ERFE: variants seen among roughly 807,000 people sequenced by gnomAD.
ERFE encodes complement C1q tumor necrosis factor-related protein 15.
ERFE carries 25 observed loss-of-function variants against 26.6 expected under a neutral mutation model. That is an observed-to-expected ratio of 0.94 (90% CI 0.69 to 1.31). The LOEUF is 1.31. Among genes scored for constraint, ERFE ranks in the 40% most tolerant of loss-of-function variants. ERFE has a pLI of 0.00. For synonymous variants in ERFE, 206 were observed against 204.5 expected, an observed-to-expected ratio of 1.01 and a Z score of -0.06; for missense variants, 447 against 440.2, an observed-to-expected ratio of 1.02 and a Z score of -0.14.
intron 6 of ERFE, among the ~76,000 whole-genome samples, chr2:238,165,184 A>G (rs567609186): frequency 1.8e-4 from 27 of 152,356 alleles, no homozygotes; most frequent in African/African-American, 6.3e-4. Flanking sequence ...GAGCCCAGGT[A>G]CAGCGGAGAT....
chr2:238,167,627 C>A lies in ERFE; in HGVS notation c.*573C>A. 2.8e-6 allele frequency: 1 copy of A among 362,820 alleles called. No individual in the cohort carries two copies. The highest frequency in any genetic ancestry group is 5.5e-6 in the Non-Finnish European group (1 of 182,300). The allele number at this position is 362,820 out of a possible 1,614,324, so 22.5% of individuals were successfully genotyped here. On this transcript the variant is annotated 3_prime_UTR_variant, in exon 8 of 8. Transcript: ENST00000546354. Reference sequence around the variant, plus strand: ...CTGCCCCTCCCCTAACCGTGTTCTACCTGCCAGTGGAGCTGAGCACTGCCT... The same window carrying A: ...CTGCCCCTCCCCTAACCGTGTTCTAACTGCCAGTGGAGCTGAGCACTGCCT...
chr2:238,161,824 G>A lies in ERFE; in HGVS notation c.321+108G>A, dbSNP rs183162143. 1.8e-5 allele frequency: 24 copies of A among 1,364,816 alleles called. No individual in the cohort carries two copies. In the East Asian group the frequency reaches 2.2e-4, roughly 13 times the overall value. The allele number at this position is 1,364,816 out of a possible 1,614,324, so 84.5% of individuals were successfully genotyped here. A position where few individuals can be genotyped will look rare whatever the true frequency, so the allele number is the denominator to read the frequency against. On this transcript the variant is annotated intron_variant, in intron 2 of 7. Transcript: ENST00000546354. ...ACATTTCCAATAGCACACCCCTCACGCCTCGGCCTGGGGACAGAGAACAGA... is the reference window on the plus strand; with the variant it reads ...ACATTTCCAATAGCACACCCCTCACACCTCGGCCTGGGGACAGAGAACAGA...
In ERFE at chr2:238,167,166, T is replaced by C. The variant is rs777387884; in HGVS notation, c.*112T>C. 1 of 1,154,238 alleles carries C rather than the reference T, an allele frequency of 8.7e-7. No homozygotes were observed. Among genetic ancestry groups the C allele is most frequent in the African/African-American group, 1.5e-5 (1 of 65,654 alleles). 71.5% of individuals were successfully genotyped at this position (1,154,238 alleles called of 1,614,324 possible). On this transcript the variant is annotated 3_prime_UTR_variant, in exon 8 of 8. Coordinates refer to ENST00000546354, the MANE Select transcript of ERFE (RefSeq NM_001291832.2). Reference sequence around the variant, plus strand: ...ATGGAGGAGGAGGCCCACCCGGAACTCTGCCCACACTGGCCACTGCAGTTC... The same window carrying C: ...ATGGAGGAGGAGGCCCACCCGGAACCCTGCCCACACTGGCCACTGCAGTTC...
intron 2 of ERFE, among the ~76,000 whole-genome samples, chr2:238,162,148 A>C (rs75663295): frequency 0.14 from 20,933 of 152,190 alleles, 1,727 homozygotes; most frequent in Middle Eastern, 0.22. Flanking sequence ...GGAGCCCCCA[A>C]AATGGAAAAT....
chr2:238,164,935 G>A (rs910446697), intron 6 of ERFE, among the ~76,000 whole-genome samples: 1 of 152,052 alleles, frequency 6.6e-6, no homozygotes, highest in Non-Finnish European at 1.5e-5. Context: ...GTCCTAGGAG[G>A]CCGGGCTCCT....
intron 6 of ERFE, chr2:238,164,567 C>T: frequency 1.7e-6 from 1 of 574,768 alleles, no homozygotes. Flanking sequence ...TAAAAATGAC[C>T]TTTCCAGCTG....
intron 1 of ERFE, among the ~76,000 whole-genome samples, chr2:238,159,588 C>T (rs1286448976): frequency 1.3e-5 from 2 of 152,224 alleles, no homozygotes; most frequent in Non-Finnish European, 2.9e-5. Context: ...CTATTTGGTG[C>T]AATTATCTGG....
intron 3 of ERFE, 94 bp from the exon 4 acceptor site, chr2:238,163,643 C>T: frequency 8.2e-7 from 1 of 1,215,018 alleles, no homozygotes; most frequent in African/African-American, 1.6e-5. Context: ...CCGGCAGGCC[C>T]CTGGTCTCGC....
Position 238,163,731 on chromosome 2 carries a change from T to C in ERFE, c.425-6T>C. On this transcript the variant is annotated splice_polypyrimidine_tract_variant and splice_region_variant and intron_variant, in intron 3 of 7. Coordinates refer to ENST00000546354, the MANE Select transcript of ERFE (RefSeq NM_001291832.2). ...TGGCGCGCGGCCACCGCTCGCTCTG[T>C]GCCAGGTGCGGTGCGGCAGCGGGAG... is the stretch of plus-strand genomic sequence containing the variant. 1 of 1,327,862 alleles carries C rather than the reference T, an allele frequency of 7.5e-7. No individual in the cohort carries two copies. The highest frequency in any genetic ancestry group is 9.6e-7 in the Non-Finnish European group (1 of 1,045,436). The allele number at this position is 1,327,862 out of a possible 1,614,324, so 82.3% of individuals were successfully genotyped here.
At position 238,167,908 on chromosome 2, in the gene ERFE, A is replaced by G. The variant is rs1693071676; in HGVS notation, c.*854A>G. 5.1e-6 allele frequency: 1 copy of G among 196,196 alleles called. No homozygotes were observed. The highest frequency in any genetic ancestry group is 5.3e-5 in the Admixed American group (1 of 18,854). The allele number at this position is 196,196 out of a possible 1,614,324, so 12.2% of individuals were successfully genotyped here. ...CTGGTAGGAGCCACCCACCAGAGGAAAGATCTAGAACGTCTTTACAGATTG... is the reference window on the plus strand; with the variant it reads ...CTGGTAGGAGCCACCCACCAGAGGAGAGATCTAGAACGTCTTTACAGATTG... On this transcript the variant is annotated 3_prime_UTR_variant, in exon 8 of 8. Coordinates refer to ENST00000546354, the MANE Select transcript of ERFE (RefSeq NM_001291832.2).
At chr2:238,161,888 G>T (rs1692944907) in intron 2 of ERFE, among the ~76,000 whole-genome samples, 172 bp downstream of exon 2, 1 of 152,148 alleles carries the variant, frequency 6.6e-6, no homozygotes, top group Admixed American at 6.5e-5. Context: ...CCGAGTTAGG[G>T]GCCTGGTCCC....
chr2:238,167,623 T>G lies in ERFE; in HGVS notation c.*569T>G. The G allele has an allele frequency of 2.8e-6, 1 of 362,874 alleles. No homozygotes were observed. The highest frequency in any genetic ancestry group is 2.0e-5 in the South Asian group (1 of 49,000). 22.5% of individuals were successfully genotyped at this position (362,874 alleles called of 1,614,324 possible). A position where few individuals can be genotyped will look rare whatever the true frequency, so the allele number is the denominator to read the frequency against. ...TTCCCTGCCCCTCCCCTAACCGTGT[T>G]CTACCTGCCAGTGGAGCTGAGCACT... On this transcript the variant is annotated 3_prime_UTR_variant, in exon 8 of 8. Coordinates refer to ENST00000546354, the MANE Select transcript of ERFE (RefSeq NM_001291832.2).
chr2:238,162,220 C>G (rs138055855), intron 2 of ERFE, among the ~76,000 whole-genome samples: 1 of 152,364 alleles, frequency 6.6e-6, no homozygotes, highest in Non-Finnish European at 1.5e-5. Context: ...TCTGAACACA[C>G]GATGGAAGGC....
intron 1 of ERFE, among the ~76,000 whole-genome samples, chr2:238,160,441 G>A (rs558833143): frequency 6.6e-6 from 1 of 152,146 alleles, no homozygotes; most frequent in African/African-American, 2.4e-5. Flanking sequence ...ATGTTTCCAC[G>A]GAGGGCACAC....
In ERFE at chr2:238,168,418, C is replaced by G; in HGVS notation, c.*1364C>G. 1 of 471,160 alleles carries G rather than the reference C, an allele frequency of 2.1e-6. No individual in the cohort carries two copies. Among genetic ancestry groups the G allele is most frequent in the South Asian group, 1.5e-5 (1 of 64,570 alleles). The allele number at this position is 471,160 out of a possible 1,614,324, so 29.2% of individuals were successfully genotyped here. On this transcript the variant is annotated 3_prime_UTR_variant, in exon 8 of 8. Transcript: ENST00000546354. ...AGGACCTCCTGGGAGCCAAGCTGGTCTGGCAAGGGCGCTCAGGCCTGGGAG... is the reference window on the plus strand; with the variant it reads ...AGGACCTCCTGGGAGCCAAGCTGGTGTGGCAAGGGCGCTCAGGCCTGGGAG...
rs1303411004 is a variant in ERFE at position 238,167,319 on chromosome 2, G to A, written c.*265G>A. On this transcript the variant is annotated 3_prime_UTR_variant, in exon 8 of 8. Transcript: ENST00000546354. ...AAAGAAAGAGTCGGCGTGCCTGGGG[G>A]CACCTGCTAGTCTCCAGCTGCAGGC... 3.0e-6 allele frequency: 2 copies of A among 677,768 alleles called. No individual in the cohort carries two copies. Among genetic ancestry groups the A allele is most frequent in the Non-Finnish European group, 5.4e-6 (2 of 369,198 alleles). The allele number at this position is 677,768 out of a possible 1,614,324, so 42.0% of individuals were successfully genotyped here.
chr2:238,167,733 A>G lies in ERFE; in HGVS notation c.*679A>G. On this transcript the variant is annotated 3_prime_UTR_variant, in exon 8 of 8. Transcript: ENST00000546354. ...CCAGCTTCTAGTTCTAATGTGTGCA[A>G]GATTAACTCACAAATTCACCTCAGA... 6.5e-6 allele frequency: 2 copies of G among 307,112 alleles called. No individual in the cohort carries two copies. The highest frequency in any genetic ancestry group is 5.8e-5 in the South Asian group (2 of 34,572). The allele number at this position is 307,112 out of a possible 1,614,324, so 19.0% of individuals were successfully genotyped here. A position where few individuals can be genotyped will look rare whatever the true frequency, so the allele number is the denominator to read the frequency against.
Position 238,163,780 on chromosome 2 carries a change from G to A in ERFE, c.468G>A (p.Thr156=), listed in dbSNP as rs1166711363. ...AGCGCGCGGAGCCCGAACCCTGTAC[G>A]TGTGGCCCCGCCGGGCCGGTCGCTG... ...QRERAEPEPC[T]CGPAGPVAAS... The change falls in exon 4 of 8, where the codon ACG becomes ACA. Residue 156 remains threonine (T), a synonymous_variant. Coordinates refer to ENST00000546354, the MANE Select transcript of ERFE (RefSeq NM_001291832.2). 8.8e-6 allele frequency: 12 copies of A among 1,360,376 alleles called. No homozygotes were observed. The highest frequency in any genetic ancestry group is 1.9e-6 in the Non-Finnish European group (2 of 1,061,242). 84.3% of individuals were successfully genotyped at this position (1,360,376 alleles called of 1,614,324 possible). A position where few individuals can be genotyped will look rare whatever the true frequency, so the allele number is the denominator to read the frequency against.
intron 2 of ERFE, 30 bp downstream of exon 2, chr2:238,161,746 C>A: frequency 6.6e-7 from 1 of 1,522,030 alleles, no homozygotes; most frequent in South Asian, 1.2e-5. Flanking sequence ...AGTGCCAGGC[C>A]GTGGGGGGTT....
Sources: gnomAD v4.1 joint callset for allele counts (sites outside exome capture counted in the v4.1 genomes callset) on GRCh38, gnomAD v4.1.1 for gene constraint, MANE v1.5 for transcripts, NCBI Gene and HGNC (gene_info 2026-07-23, HGNC 2026-07-21) for gene names.